The following CEP41 variants were observed in gnomAD, a reference collection of about 807,000 sequenced individuals.
The protein encoded by CEP41 is centrosomal protein of 41 kDa.
A neutral mutation model predicts 44.3 loss-of-function variants in CEP41; 32 were observed. The ratio of observed to expected loss-of-function variants is 0.72; its 90% CI spans 0.54 to 0.97. The LOEUF (loss-of-function observed/expected upper bound fraction) is 0.97, where lower values mean the gene tolerates loss of function less well. Ranked by LOEUF, CEP41 falls within the 50% of genes least tolerant of loss-of-function variation. The pLI is 0.00. For synonymous variants in CEP41, 151 were observed against 168.5 expected, an observed-to-expected ratio of 0.90 and a Z score of 0.80; for missense variants, 432 against 455.2, an observed-to-expected ratio of 0.95 and a Z score of 0.46.
rs1796589127 is a variant in CEP41, at chr7:130,393,936, G to A, written c.*4955C>T. 1 of 453,992 alleles carries A rather than the reference G, an allele frequency of 2.2e-6. No individual in the cohort carries two copies. The highest frequency in any genetic ancestry group is 2.0e-5 in the African/African-American group (1 of 50,004). The allele number at this position is 453,992 out of a possible 1,614,324, so 28.1% of individuals were successfully genotyped here. ...TAACCTCGGAAGCCCTGGAGCACCTGTCTTCAAGATAAGACAGCAGACACA... is the reference window on the plus strand; with the variant it reads ...TAACCTCGGAAGCCCTGGAGCACCTATCTTCAAGATAAGACAGCAGACACA... On this transcript the variant is annotated 3_prime_UTR_variant, in exon 11 of 11. Coordinates refer to ENST00000223208, the MANE Select transcript of CEP41 (RefSeq NM_018718.3).
chr7:130,405,350 G>C (rs1796978408), intron 5 of CEP41, among the ~76,000 whole-genome samples: 1 of 152,054 alleles, frequency 6.6e-6, no homozygotes, highest in African/African-American at 2.4e-5. Flanking sequence ...GAAAAACTAT[G>C]GTTAGTTAGA....
chr7:130,422,033 G>T, intron 2 of CEP41: 1 of 1,535,192 alleles, frequency 6.5e-7, no homozygotes, highest in Non-Finnish European at 8.7e-7. Flanking sequence ...AATATTTGAA[G>T]TTCAAAATAA....
intron 1 of CEP41, among the ~76,000 whole-genome samples, chr7:130,434,568 T>C (rs909118189): frequency 1.3e-5 from 2 of 152,194 alleles, no homozygotes; most frequent in African/African-American, 4.8e-5. Flanking sequence ...ATGGGGAAAC[T>C]GATAGGTAAA....
chr7:130,407,226 A>G (rs1353643556), intron 5 of CEP41, among the ~76,000 whole-genome samples: 1 of 149,912 alleles, frequency 6.7e-6, no homozygotes, highest in Non-Finnish European at 1.5e-5. Context: ...TTTAAAACTT[A>G]AAAGGATTTA....
intron 2 of CEP41, among the ~76,000 whole-genome samples, chr7:130,423,932 T>C (rs1361075456): frequency 6.6e-6 from 1 of 152,180 alleles, no homozygotes; most frequent in African/African-American, 2.4e-5. Flanking sequence ...ATAGAGAAAG[T>C]AGATTAGTGG....
At chr7:130,441,293 G>A (rs1323401680), upstream of CEP41, 3 of 458,232 alleles carry the variant, frequency 6.5e-6, no homozygotes, top group Non-Finnish European at 4.0e-6. Context: ...GCAAAGCCGG[G>A]GGCGGGGGCA....
rs1248319162 is a variant in CEP41 at position 130,395,821 on chromosome 7, C to T, written c.*3070G>A. 2.2e-6 allele frequency: 1 copy of T among 452,792 alleles called. No homozygotes were observed. The allele number at this position is 452,792 out of a possible 1,614,324, so 28.0% of individuals were successfully genotyped here. On this transcript the variant is annotated 3_prime_UTR_variant, in exon 11 of 11. Coordinates refer to ENST00000223208, the MANE Select transcript of CEP41 (RefSeq NM_018718.3). ...TAATGAATGTTATTTGGTCTCTTTT[C>T]ATTCGGATTTATACCAAGCCCAATA...
intron 2 of CEP41, chr7:130,422,007 C>T (rs1043693462): frequency 6.5e-7 from 1 of 1,535,802 alleles, no homozygotes. Context: ...CACACAGGCA[C>T]CTATGGAACA....
chr7:130,440,893 G>T, intron 1 of CEP41, 41 bp downstream of exon 1: 1 of 1,606,106 alleles, frequency 6.2e-7, no homozygotes. Context: ...TTTCCGGTGC[G>T]CCCGCCCCCT....
intron 10 of CEP41, 32 bp from the exon 11 acceptor site, chr7:130,399,071 G>A: frequency 6.2e-7 from 1 of 1,611,774 alleles, no homozygotes; most frequent in Non-Finnish European, 8.5e-7. Context: ...GAACAGAGCT[G>A]CAAGAATGAT....
At chr7:130,409,894 G>A (rs1286087950) in intron 5 of CEP41, among the ~76,000 whole-genome samples, 1 of 152,040 alleles carries the variant, frequency 6.6e-6, no homozygotes, top group Non-Finnish European at 1.5e-5. Context: ...AACATGCCTG[G>A]TGTGCTGTCC....
intron 10 of CEP41, 163 bp downstream of exon 10, chr7:130,399,876 G>C: frequency 1.5e-6 from 1 of 657,028 alleles, no homozygotes; most frequent in Non-Finnish European, 2.7e-6. Flanking sequence ...CGTAATTCTT[G>C]CCACTATCTG....
chr7:130,418,264 G>A (rs1554421305), intron 2 of CEP41, among the ~76,000 whole-genome samples: 2 of 152,174 alleles, frequency 1.3e-5, no homozygotes, highest in African/African-American at 2.4e-5. Context: ...CCTCTTAGAA[G>A]AGGCCCAAAT....
Position 130,396,410 on chromosome 7 carries a change from A to T in CEP41, c.*2481T>A, listed in dbSNP as rs528289176. 622 of 454,398 alleles carry T rather than the reference A, an allele frequency of 1.4e-3. 4 individuals carry two copies. Among genetic ancestry groups the T allele is most frequent in the South Asian group, 6.3e-3 (406 of 64,472 alleles). 28.1% of individuals were successfully genotyped at this position (454,398 alleles called of 1,614,324 possible). A position where few individuals can be genotyped will look rare whatever the true frequency, so the allele number is the denominator to read the frequency against. On this transcript the variant is annotated 3_prime_UTR_variant, in exon 11 of 11. Transcript: ENST00000223208. Reference sequence around the variant, plus strand: ...ATTTCCTGATTCATTTATTTTTTTTAAAAAATGCTTTCCTAGGAGATGCAG... The same window carrying T: ...ATTTCCTGATTCATTTATTTTTTTTTAAAAATGCTTTCCTAGGAGATGCAG...
chr7:130,416,204 T>A (rs1797330731), intron 3 of CEP41, among the ~76,000 whole-genome samples: 1 of 152,226 alleles, frequency 6.6e-6, no homozygotes. Flanking sequence ...TAACTAAATA[T>A]CCCCTAGCAC....
intron 2 of CEP41, among the ~76,000 whole-genome samples, chr7:130,423,003 G>A (rs1797554402): frequency 6.6e-6 from 1 of 152,226 alleles, no homozygotes; most frequent in African/African-American, 2.4e-5. Flanking sequence ...CTGGAGTGCA[G>A]TAGCGCCTTC....
Position 130,397,450 on chromosome 7 carries a change from T to G in CEP41, c.*1441A>C, listed in dbSNP as rs146847784. On this transcript the variant is annotated 3_prime_UTR_variant, in exon 11 of 11. Transcript: ENST00000223208. Reference sequence around the variant, plus strand: ...TTTTCCATATGTCTCTATGAGATATTTATTACGTTTATTTCTCATACAAAC... The same window carrying G: ...TTTTCCATATGTCTCTATGAGATATGTATTACGTTTATTTCTCATACAAAC... The G allele has an allele frequency of 3.8e-4, 168 of 438,902 alleles. No homozygotes were observed. The highest frequency in any genetic ancestry group is 3.2e-3 in the African/African-American group (158 of 48,968). The allele number at this position is 438,902 out of a possible 1,614,324, so 27.2% of individuals were successfully genotyped here. A position where few individuals can be genotyped will look rare whatever the true frequency, so the allele number is the denominator to read the frequency against.
In CEP41 at chr7:130,435,737, C is replaced by T. The variant is rs112405220; in HGVS notation, c.33+5197G>A. Among the ~76,000 whole-genome samples the T allele has an allele frequency of 6.9e-3, 1,056 of 152,230 alleles. 10 individuals are homozygous for T. Among genetic ancestry groups the T allele is most frequent in the African/African-American group, 0.024 (1,009 of 41,536 alleles). The stretch of plus-strand genomic sequence containing the variant: ...ACAACCCAGCAATTGTACTCCTGGG[C>T]GTTTATCCCAGATAAATGAAAATTA... On this transcript the variant is annotated intron_variant, in intron 1 of 10. Coordinates refer to ENST00000223208, the MANE Select transcript of CEP41 (RefSeq NM_018718.3).
chr7:130,413,692 C>A (rs1330453647), intron 3 of CEP41, among the ~76,000 whole-genome samples: 3 of 152,126 alleles, frequency 2.0e-5, no homozygotes. Flanking sequence ...CATAATTCTT[C>A]CCATCACATT....
Sources: gnomAD v4.1 joint callset for allele counts (sites outside exome capture counted in the v4.1 genomes callset) on GRCh38, gnomAD v4.1.1 for gene constraint, MANE v1.5 for transcripts, NCBI Gene and HGNC (gene_info 2026-07-23, HGNC 2026-07-21) for gene names.